FRMD4B: variants seen among roughly 807,000 people sequenced by gnomAD.
FRMD4B encodes the protein FERM domain containing 4B, also known as FERM domain-containing protein 4B.
In FRMD4B, 74 loss-of-function variants were observed where a neutral mutation model predicts 141.5. That is an observed-to-expected ratio of 0.52 (90% CI 0.43 to 0.63). FRMD4B has a LOEUF of 0.63. FRMD4B is among the 30% of genes least tolerant of loss of function. The probability of loss-of-function intolerance (pLI) is 0.00; values close to 1 mark genes in which losing one functional copy is unlikely to be tolerated. For synonymous variants in FRMD4B, 506 were observed against 467.9 expected, an observed-to-expected ratio of 1.08 and a Z score of -1.05; for missense variants, 1,366 against 1,253.4, an observed-to-expected ratio of 1.09 and a Z score of -1.36.
intron 7 of FRMD4B, among the ~76,000 whole-genome samples, chr3:69,245,283 T>C (rs545996971): frequency 6.6e-4 from 100 of 151,758 alleles, no homozygotes; most frequent in Non-Finnish European, 1.1e-3. Flanking sequence ...CACTACAACA[T>C]TGCCTCATGG....
intron 1 of FRMD4B, among the ~76,000 whole-genome samples, chr3:69,527,741 C>T (rs968544875): frequency 1.3e-5 from 2 of 152,128 alleles, no homozygotes; most frequent in African/African-American, 4.8e-5. Flanking sequence ...GTCCCTTGTC[C>T]CAGAAAATTA....
At chr3:69,274,623 A>AT (rs2093609824) in intron 5 of FRMD4B, among the ~76,000 whole-genome samples, 1 of 152,094 alleles carries the variant, frequency 6.6e-6, no homozygotes, top group Admixed American at 6.6e-5. Flanking sequence ...AGTTCAAGCA[A>AT]TTCTCGTGCC....
intron 5 of FRMD4B, among the ~76,000 whole-genome samples, chr3:69,272,411 C>T (rs925804454): frequency 4.6e-5 from 7 of 152,216 alleles, no homozygotes; most frequent in Non-Finnish European, 7.3e-5. Flanking sequence ...CCGCCTGCCT[C>T]GGCCTCCCAA....
At position 69,169,311 on chromosome 3, in the gene FRMD4B, G is replaced by A. The variant is rs78043317; in HGVS notation, c.*2550C>T. Among the ~76,000 whole-genome samples the A allele has an allele frequency of 3.4e-3, 514 of 150,296 alleles. 14 individuals are homozygous for A. In the East Asian group the frequency reaches 0.072, roughly 21 times the overall value. On this transcript the variant is annotated 3_prime_UTR_variant, in exon 23 of 23. Transcript: ENST00000398540. ...TTGAGAAATGTTTTTCAAAAGAGACGAAGAAAACCGTGCAGTAGGATTGCT... is the reference window on the plus strand; with the variant it reads ...TTGAGAAATGTTTTTCAAAAGAGACAAAGAAAACCGTGCAGTAGGATTGCT...
intron 11 of FRMD4B, among the ~76,000 whole-genome samples, chr3:69,215,559 G>A (rs2093132505): frequency 6.6e-6 from 1 of 151,848 alleles, no homozygotes; most frequent in African/African-American, 2.4e-5. Context: ...CCAAAGTGCT[G>A]GGATTACAGA....
intron 5 of FRMD4B, among the ~76,000 whole-genome samples, chr3:69,281,879 G>C (rs2093646636): frequency 6.7e-6 from 1 of 149,732 alleles, no homozygotes; most frequent in African/African-American, 2.5e-5. Context: ...TTTCACAAAA[G>C]TGAAAAATCT....
At chr3:69,371,552 T>C (rs933715436) in intron 1 of FRMD4B, among the ~76,000 whole-genome samples, 2 of 152,116 alleles carry the variant, frequency 1.3e-5, no homozygotes, top group Admixed American at 6.5e-5. Flanking sequence ...GCAGGGGCGG[T>C]TGGCATTTGC....
intron 5 of FRMD4B, among the ~76,000 whole-genome samples, chr3:69,272,573 G>A (rs188545211): frequency 3.3e-5 from 5 of 152,102 alleles, no homozygotes; most frequent in African/African-American, 9.7e-5. Flanking sequence ...ACATACACTC[G>A]TATGTGTGTA....
At chr3:69,339,996 T>C (rs1192531092) in intron 1 of FRMD4B, among the ~76,000 whole-genome samples, 2 of 152,014 alleles carry the variant, frequency 1.3e-5, no homozygotes, top group Non-Finnish European at 2.9e-5. Flanking sequence ...TGCCCACTCT[T>C]CCCCTGGTCT....
intron 1 of FRMD4B, among the ~76,000 whole-genome samples, chr3:69,383,177 C>T (rs1162448610): frequency 4.6e-5 from 7 of 152,174 alleles, no homozygotes; most frequent in Admixed American, 3.3e-4. Flanking sequence ...AACTTACCCA[C>T]GGTCATACAT....
chr3:69,393,852 C>T (rs1490849186), intron 2 of FRMD4B, among the ~76,000 whole-genome samples: 1 of 152,056 alleles, frequency 6.6e-6, no homozygotes. Flanking sequence ...GTTATTTTGG[C>T]CCCATTTCAT....
chr3:69,222,635 G>A (rs1429653800), intron 8 of FRMD4B, among the ~76,000 whole-genome samples: 2 of 152,108 alleles, frequency 1.3e-5, no homozygotes, highest in South Asian at 2.1e-4. Context: ...GCTGGTTGTG[G>A]TGGCGCATGC....
rs1267494070 is a variant in FRMD4B at position 69,170,476 on chromosome 3, C to G, written c.*1385G>C. ...TCTAATTATACAAATGACTAAGGAC[C>G]AGTTTAACAAATCGTTTTTATGTAT... On this transcript the variant is annotated 3_prime_UTR_variant, in exon 23 of 23. Transcript: ENST00000398540. The G allele has an allele frequency of 6.6e-6, 1 of 151,786 alleles. No individual in the cohort carries two copies. The highest frequency in any genetic ancestry group is 1.5e-5 in the Non-Finnish European group (1 of 67,960). 9.4% of individuals were successfully genotyped at this position (151,786 alleles called of 1,614,324 possible). A position where few individuals can be genotyped will look rare whatever the true frequency, so the allele number is the denominator to read the frequency against.
At chr3:69,211,991 A>G (rs975495028) in intron 11 of FRMD4B, among the ~76,000 whole-genome samples, 1 of 151,502 alleles carries the variant, frequency 6.6e-6, no homozygotes, top group African/African-American at 2.4e-5. Flanking sequence ...TAACAAAAGA[A>G]GAAAGGAAGA....
intron 1 of FRMD4B, among the ~76,000 whole-genome samples, chr3:69,459,317 G>A (rs1314986119): frequency 6.6e-6 from 1 of 152,140 alleles, no homozygotes; most frequent in Non-Finnish European, 1.5e-5. Flanking sequence ...GTGCAGCAGT[G>A]CTTTGGCTGA....
At chr3:69,345,933 C>T (rs1419950653) in intron 1 of FRMD4B, among the ~76,000 whole-genome samples, 2 of 152,156 alleles carry the variant, frequency 1.3e-5, no homozygotes, top group African/African-American at 4.8e-5. Flanking sequence ...GCCTCCCCAC[C>T]TCCAAAGGAA....
At chr3:69,266,541 G>C (rs1345572438) in intron 5 of FRMD4B, among the ~76,000 whole-genome samples, 3 of 152,096 alleles carry the variant, frequency 2.0e-5, no homozygotes, top group Non-Finnish European at 4.4e-5. Context: ...GGCCAGGCTG[G>C]TCTCGAACTC....
intron 5 of FRMD4B, among the ~76,000 whole-genome samples, chr3:69,272,758 T>A (rs574267954): frequency 1.1e-4 from 17 of 152,334 alleles, no homozygotes; most frequent in African/African-American, 3.8e-4. Flanking sequence ...CTAACAGTAA[T>A]GGACCAGTTA....
At chr3:69,216,242 C>T (rs1189332793) in intron 11 of FRMD4B, 21 bp downstream of exon 11, 3 of 1,239,230 alleles carry the variant, frequency 2.4e-6, no homozygotes, top group East Asian at 2.4e-5. Flanking sequence ...TCAAAGTTCT[C>T]CTAAAGTGAT....
Sources: gnomAD v4.1 joint callset for allele counts (sites outside exome capture counted in the v4.1 genomes callset) on GRCh38, gnomAD v4.1.1 for gene constraint, MANE v1.5 for transcripts, NCBI Gene and HGNC (gene_info 2026-07-23, HGNC 2026-07-21) for gene names.